The following CYP7B1 variants were observed in gnomAD, a reference collection of about 807,000 sequenced individuals.
CYP7B1 encodes cytochrome P450 7B1.
CYP7B1 carries 29 observed loss-of-function variants against 42.7 expected under a neutral mutation model. The observed-to-expected ratio is 0.68, with a 90% CI of 0.51 to 0.93. CYP7B1 has a LOEUF of 0.93. Ranked by LOEUF, CYP7B1 falls within the 40% of genes least tolerant of loss-of-function variation. The pLI, the probability that CYP7B1 is intolerant of heterozygous loss-of-function variation, is 0.00. For synonymous variants in CYP7B1, 235 were observed against 218.2 expected, an observed-to-expected ratio of 1.08 and a Z score of -0.68; for missense variants, 655 against 600.5, an observed-to-expected ratio of 1.09 and a Z score of -0.95.
At chr8:64,781,087 T>C (rs1250466535) in intron 1 of CYP7B1, among the ~76,000 whole-genome samples, 2 of 152,132 alleles carry the variant, frequency 1.3e-5, no homozygotes, top group Admixed American at 6.6e-5. Context: ...GACCCCATGA[T>C]AATCTGTAAA....
At chr8:64,734,636 C>T (rs1222096366) in intron 1 of CYP7B1, among the ~76,000 whole-genome samples, 3 of 152,142 alleles carry the variant, frequency 2.0e-5, no homozygotes, top group Non-Finnish European at 2.9e-5. Context: ...AACATGCAAG[C>T]CATAGCAGAT....
chr8:64,727,070 TGAA>T (rs1424848941), intron 1 of CYP7B1, among the ~76,000 whole-genome samples: 3 of 152,170 alleles, frequency 2.0e-5, no homozygotes, highest in African/African-American at 7.2e-5. Flanking sequence ...TTAGACTGAA[TGAA>T]GTCACACTCT....
intron 1 of CYP7B1, among the ~76,000 whole-genome samples, chr8:64,764,258 G>A (rs1309569618): frequency 9.7e-5 from 1 of 10,302 alleles, no homozygotes; most frequent in Non-Finnish European, 2.0e-4. Context: ...CCCGCCCCCT[G>A]CAATACAATC....
At chr8:64,702,435 C>G (rs1806930966) in intron 1 of CYP7B1, among the ~76,000 whole-genome samples, 2 of 152,190 alleles carry the variant, frequency 1.3e-5, no homozygotes, top group African/African-American at 4.8e-5. Flanking sequence ...CTACTGGGAT[C>G]AGCTGACTAG....
At chr8:64,716,015 T>C (rs1354624325) in intron 1 of CYP7B1, among the ~76,000 whole-genome samples, 1 of 152,230 alleles carries the variant, frequency 6.6e-6, no homozygotes, top group Non-Finnish European at 1.5e-5. Context: ...TTATGCCTGT[T>C]TTTTATCTTC....
chr8:64,677,485 T>C (rs1806466241), intron 1 of CYP7B1, among the ~76,000 whole-genome samples: 1 of 148,262 alleles, frequency 6.7e-6, no homozygotes, highest in Non-Finnish European at 1.5e-5. Flanking sequence ...GTGATTATAT[T>C]AGCTAATTTC....
intron 1 of CYP7B1, among the ~76,000 whole-genome samples, chr8:64,771,834 G>T (rs1804238500): frequency 1.3e-5 from 2 of 152,204 alleles, no homozygotes. Context: ...CTTTGCCCAT[G>T]CAGCTGAACA....
rs1214043339 is a variant in CYP7B1, at chr8:64,596,896, T to A, written c.1267A>T (p.Lys423Ter). The A allele has an allele frequency of 6.2e-7, 1 of 1,612,754 alleles. No individual in the cohort carries two copies. The highest frequency in any genetic ancestry group is 1.3e-5 in the African/African-American group (1 of 74,896). Residue 423 changes from lysine to a stop codon, truncating the protein, a stop_gained, in exon 6 of 6, where the codon AAG becomes TAG. Transcript: ENST00000310193. LOFTEE classifies it low-confidence loss of function (END_TRUNC). ...CTTTTGAAAAAGGTGGTTTTCTTCT[T>A]ACCATCTTCTATAAAACGATCATAT... ...FRYDRFIEDG[K>*]KKTTFFKRGK... is the part of the protein sequence containing the mutation.
intron 1 of CYP7B1, among the ~76,000 whole-genome samples, chr8:64,626,104 A>G (rs1805606820): frequency 6.6e-6 from 1 of 152,144 alleles, no homozygotes; most frequent in Non-Finnish European, 1.5e-5. Context: ...TCTCATTTTT[A>G]TAGGTAAGAG....
At chr8:64,717,104 G>A (rs1807167070) in intron 1 of CYP7B1, among the ~76,000 whole-genome samples, 1 of 152,164 alleles carries the variant, frequency 6.6e-6, no homozygotes, top group African/African-American at 2.4e-5. Flanking sequence ...GTTCTGAAGT[G>A]GGATACTATG....
At chr8:64,657,269 A>T (rs1358934483) in intron 1 of CYP7B1, among the ~76,000 whole-genome samples, 1 of 152,192 alleles carries the variant, frequency 6.6e-6, no homozygotes, top group Non-Finnish European at 1.5e-5. Flanking sequence ...CTGTTTTTCT[A>T]GAAAGAGGGC....
intron 1 of CYP7B1, among the ~76,000 whole-genome samples, chr8:64,690,152 C>A (rs1806716975): frequency 6.6e-6 from 1 of 152,208 alleles, no homozygotes; most frequent in South Asian, 2.1e-4. Flanking sequence ...AATCCCAGCA[C>A]TTTGGGAGGC....
intron 1 of CYP7B1, among the ~76,000 whole-genome samples, chr8:64,682,103 C>T (rs1355918707): frequency 6.6e-6 from 1 of 152,084 alleles, no homozygotes. Flanking sequence ...GGCAACCGTT[C>T]ATTAGAAAAT....
chr8:64,747,106 A>G (rs144637818), intron 1 of CYP7B1, among the ~76,000 whole-genome samples: 1 of 149,906 alleles, frequency 6.7e-6, no homozygotes, highest in East Asian at 1.9e-4. Flanking sequence ...AATTTTAAAT[A>G]TATTTATTGT....
rs1805418842 is a variant in CYP7B1 at position 64,615,191 on chromosome 8, T to C, written c.892A>G (p.Ile298Val). 11 of 1,613,344 alleles carry C rather than the reference T, an allele frequency of 6.8e-6. No homozygotes were observed. Among genetic ancestry groups the C allele is most frequent in the Non-Finnish European group, 9.3e-6 (11 of 1,179,678 alleles). ...GFLWASVANTIPTMFWAMYYL... is the reference protein window; with the variant it reads ...GFLWASVANTVPTMFWAMYYL... ...TACATTGCCCAGAACATAGTTGGAA[T>C]AGTGTTTGCCACAGAGGCCCAGAGA... The change falls in exon 4 of 6, where the codon ATT becomes GTT. Residue 298 changes from isoleucine (I) to valine (V), a missense_variant. Transcript: ENST00000310193.
intron 1 of CYP7B1, among the ~76,000 whole-genome samples, chr8:64,635,272 T>C (rs945308824): frequency 1.3e-5 from 2 of 152,264 alleles, no homozygotes; most frequent in African/African-American, 4.8e-5. Context: ...TAATCTCTAT[T>C]GTCCCCTGTG....
intron 1 of CYP7B1, among the ~76,000 whole-genome samples, chr8:64,645,073 C>T (rs1805928766): frequency 6.6e-6 from 1 of 151,682 alleles, no homozygotes; most frequent in Non-Finnish European, 1.5e-5. Flanking sequence ...ATCCATGTCC[C>T]TACAAAGGAC....
chr8:64,687,139 T>A (rs78422365), intron 1 of CYP7B1, among the ~76,000 whole-genome samples: 16,687 of 148,442 alleles, frequency 0.11, 1,139 homozygotes, highest in Non-Finnish European at 0.16. Context: ...AAAATAAATT[T>A]AAAAAAAAAA....
At chr8:64,716,622 G>A (rs1012626857) in intron 1 of CYP7B1, among the ~76,000 whole-genome samples, 1 of 152,134 alleles carries the variant, frequency 6.6e-6, no homozygotes, top group Non-Finnish European at 1.5e-5. Context: ...CCTGAGACTC[G>A]CTTGAACCCG....
Sources: gnomAD v4.1 joint callset for allele counts (sites outside exome capture counted in the v4.1 genomes callset) on GRCh38, gnomAD v4.1.1 for gene constraint, MANE v1.5 for transcripts, NCBI Gene and HGNC (gene_info 2026-07-23, HGNC 2026-07-21) for gene names.